The following CEP70 variants were observed in gnomAD, a reference collection of about 807,000 sequenced individuals.
The protein encoded by CEP70 is centrosomal protein of 70 kDa.
A neutral mutation model predicts 90.9 loss-of-function variants in CEP70; 70 were observed. That is an observed-to-expected ratio of 0.77 (90% CI 0.64 to 0.94). The LOEUF is 0.94. CEP70 is among the 40% of genes least tolerant of loss of function. The pLI is 0.00. For missense variants in CEP70, 648 were observed against 669.0 expected (o/e 0.97, Z 0.35); for synonymous variants, 220 against 228.3 (o/e 0.96, Z 0.33).
intron 2 of CEP70, among the ~76,000 whole-genome samples, chr3:138,581,581 T>A (rs2041857937): frequency 6.7e-6 from 1 of 149,804 alleles, no homozygotes; most frequent in Non-Finnish European, 1.5e-5. Context: ...CACACGCATG[T>A]AATCCCAGGT....
intron 16 of CEP70, 142 bp from the exon 17 acceptor site, chr3:138,498,252 C>A: frequency 1.7e-6 from 1 of 581,056 alleles, no homozygotes; most frequent in South Asian, 2.4e-5. Flanking sequence ...TCTTTTCTTT[C>A]TGAGCTTTTT....
intron 3 of CEP70, 89 bp from the exon 4 acceptor site, chr3:138,571,445 G>T (rs953976876): frequency 1.1e-6 from 1 of 893,598 alleles, no homozygotes; most frequent in Non-Finnish European, 1.7e-6. Flanking sequence ...TTTCAGAATA[G>T]AACTTTTTCT....
Position 138,556,197 on chromosome 3 carries a change from A to G in CEP70, c.465+14121T>C, listed in dbSNP as rs578030019. Among the ~76,000 whole-genome samples, 50 of 152,330 alleles carry G rather than the reference A, an allele frequency of 3.3e-4. No individual in the cohort carries two copies. In the South Asian group the frequency reaches 8.9e-3, roughly 27 times the overall value. On this transcript the variant is annotated intron_variant, in intron 6 of 17. Coordinates refer to ENST00000264982, the MANE Select transcript of CEP70 (RefSeq NM_024491.4). Reference sequence around the variant, plus strand: ...GAAAACTGAACATATGTTCTCACTTATAAGTGGGAGCTAAGCTATGACAAT... The same window carrying G: ...GAAAACTGAACATATGTTCTCACTTGTAAGTGGGAGCTAAGCTATGACAAT...
intron 11 of CEP70, among the ~76,000 whole-genome samples, chr3:138,513,560 C>G (rs1227362192): frequency 6.6e-6 from 1 of 152,214 alleles, no homozygotes; most frequent in Non-Finnish European, 1.5e-5. Context: ...CTGTTCCTCA[C>G]CTGGTGCTAT....
rs552426316 is a variant in CEP70, at chr3:138,578,377, A to G, written c.-5-5445T>C. 7.2e-5 allele frequency among the ~76,000 whole-genome samples: 11 copies of G among 152,334 alleles called. No individual in the cohort carries two copies. The South Asian group carries it at 2.1e-3, about 29-fold the overall frequency. On this transcript the variant is annotated intron_variant, in intron 2 of 17. Transcript: ENST00000264982. Reference sequence around the variant, plus strand: ...GTTATGAGAATGAGAGAACTCCCTAATTCATTGGTATCGCTAATATTCACT... The same window carrying G: ...GTTATGAGAATGAGAGAACTCCCTAGTTCATTGGTATCGCTAATATTCACT...
chr3:138,508,265 AT>A (rs1311344270), intron 12 of CEP70, among the ~76,000 whole-genome samples, 173 bp downstream of exon 12: 1 of 152,186 alleles, frequency 6.6e-6, no homozygotes, highest in Non-Finnish European at 1.5e-5. Flanking sequence ...AGTAAGACGA[AT>A]TCTACAATGT....
At chr3:138,590,812 T>C (rs2042345934) in intron 2 of CEP70, among the ~76,000 whole-genome samples, 1 of 149,500 alleles carries the variant, frequency 6.7e-6, no homozygotes, top group African/African-American at 2.5e-5. Context: ...CTCTATCTCA[T>C]AAATAAATAA....
rs2035201390 is a variant in CEP70 at position 138,508,480 on chromosome 3, AT to A, written c.1008del (p.Lys336AsnfsTer8). 6.2e-7 allele frequency: 1 copy of A among 1,612,918 alleles called. No individual in the cohort carries two copies. Among genetic ancestry groups the A allele is most frequent in the South Asian group, 1.1e-5 (1 of 91,042 alleles). ...TCAATTAGGGCCTGTTGCTGATTAT[AT>A]TTGCTGGGCTCATCTTTCTTCTCTG... The part of the protein sequence containing the change: ...EDTEKKDEPS[K>X]YNQQQALIDQ... On this transcript the variant is annotated frameshift_variant, in exon 12 of 18. Coordinates refer to ENST00000264982, the MANE Select transcript of CEP70 (RefSeq NM_024491.4). LOFTEE classifies it high-confidence loss of function.
At chr3:138,561,217 C>A (rs2040385210) in intron 6 of CEP70, among the ~76,000 whole-genome samples, 1 of 152,128 alleles carries the variant, frequency 6.6e-6, no homozygotes. Flanking sequence ...CTTTGCTGTT[C>A]TGCAACCTCT....
chr3:138,587,192 CTAAT>C (rs1387250715), intron 2 of CEP70, among the ~76,000 whole-genome samples: 10 of 151,410 alleles, frequency 6.6e-5, no homozygotes, highest in Admixed American at 2.6e-4. Flanking sequence ...CTTTTAAAAA[CTAAT>C]TATTTCTGAA....
intron 6 of CEP70, among the ~76,000 whole-genome samples, chr3:138,567,338 T>A (rs497334): frequency 0.46 from 69,228 of 152,016 alleles, 17,360 homozygotes; most frequent in Admixed American, 0.6. Flanking sequence ...AAATAATTAT[T>A]CTCCACAGGC....
At chr3:138,588,132 T>C (rs1376002698) in intron 2 of CEP70, among the ~76,000 whole-genome samples, 1 of 151,940 alleles carries the variant, frequency 6.6e-6, no homozygotes, top group Non-Finnish European at 1.5e-5. Context: ...AATCTAAAAC[T>C]TAAAATCACA....
In CEP70 at chr3:138,505,336, GA is replaced by G. The variant is rs2034884666; in HGVS notation, c.1179del (p.Pro394LeufsTer2). On this transcript the variant is annotated frameshift_variant, in exon 13 of 18. Transcript: ENST00000264982. LOFTEE classifies it high-confidence loss of function. ...TGATCTGCCCACATTTCTATTACAGGAACAAGATGCTCAAATCCACAATCTT... is the reference window on the plus strand; with the variant it reads ...TGATCTGCCCACATTTCTATTACAGGACAAGATGCTCAAATCCACAATCTT... Reference protein sequence around the residue: ...LVQDCGFEHLVPVIEMWADQL... With the variant: ...LVQDCGFEHLXPVIEMWADQL... 1 of 1,611,532 alleles carries G rather than the reference GA, an allele frequency of 6.2e-7. No individual in the cohort carries two copies.
Position 138,508,449 on chromosome 3 carries a change from C to G in CEP70, c.1040G>C (p.Arg347Thr). Residue 347 changes from arginine (R) to threonine (T), a missense_variant, in exon 12 of 18, where the codon AGA (arginine) becomes ACA (threonine). Coordinates refer to ENST00000264982, the MANE Select transcript of CEP70 (RefSeq NM_024491.4). The stretch of plus-strand genomic sequence containing the variant: ...AAATCAATTCAATACCTGAAAGTAT[C>G]TCTGGTCAATTAGGGCCTGTTGCTG... ...YNQQQALIDQ[R>T]YFQVLCSINS... 1.9e-6 allele frequency: 3 copies of G among 1,597,220 alleles called. No individual in the cohort carries two copies. Among genetic ancestry groups the G allele is most frequent in the Non-Finnish European group, 1.7e-6 (2 of 1,164,880 alleles).
In CEP70 at chr3:138,549,874, G is replaced by T. The variant is rs147021889; in HGVS notation, c.466-12527C>A. Reference sequence around the variant, plus strand: ...TCCACTGCTGAGAGACATGAAGACGGTTCACATCAAAGGACTCTGTGCAGA... The same window carrying T: ...TCCACTGCTGAGAGACATGAAGACGTTTCACATCAAAGGACTCTGTGCAGA... On this transcript the variant is annotated intron_variant, in intron 6 of 17. Transcript: ENST00000264982. Among the ~76,000 whole-genome samples the T allele has an allele frequency of 5.6e-3, 857 of 152,230 alleles. 7 individuals carry two copies. Among genetic ancestry groups the T allele is most frequent in the African/African-American group, 0.02 (826 of 41,530 alleles).
Position 138,546,612 on chromosome 3 carries a change from A to G in CEP70, c.466-9265T>C, listed in dbSNP as rs7648932. ...GAAAATACAAAACTTAGCTGGGCGT[A>G]GTGGTGGGTGCCTGTAGTCCCAGCT... On this transcript the variant is annotated intron_variant, in intron 6 of 17. Transcript: ENST00000264982. Among the ~76,000 whole-genome samples, 856 of 152,054 alleles carry G rather than the reference A, an allele frequency of 5.6e-3. 7 individuals are homozygous for G. Among genetic ancestry groups the G allele is most frequent in the African/African-American group, 0.02 (824 of 41,486 alleles).
At chr3:138,593,680 G>A (rs1297354044) in intron 1 of CEP70, 1 of 152,140 alleles carries the variant, frequency 6.6e-6, no homozygotes, top group African/African-American at 2.4e-5. Context: ...CCGGAATGAG[G>A]TTAATAAACT....
chr3:138,527,454 G>C (rs2037379039), intron 10 of CEP70, among the ~76,000 whole-genome samples: 1 of 151,802 alleles, frequency 6.6e-6, no homozygotes, highest in Non-Finnish European at 1.5e-5. Flanking sequence ...TAACACTTTG[G>C]GAGGCCGAGG....
chr3:138,511,875 G>T (rs1191666062), intron 11 of CEP70, among the ~76,000 whole-genome samples: 2 of 152,164 alleles, frequency 1.3e-5, no homozygotes, highest in African/African-American at 2.4e-5. Context: ...GAAAATATCT[G>T]CCATTAACAG....
Sources: allele counts gnomAD v4.1 joint callset (sites outside exome capture counted in the v4.1 genomes callset), GRCh38; gene constraint gnomAD v4.1.1; transcripts MANE v1.5; gene names NCBI Gene and HGNC (gene_info 2026-07-23, HGNC 2026-07-21).